DENND1A: variants seen among roughly 807,000 people sequenced by gnomAD.
The protein encoded by DENND1A is DENN domain containing 1A.
DENND1A carries 51 observed loss-of-function variants against 113.7 expected under a neutral mutation model. The ratio of observed to expected loss-of-function variants is 0.45; its 90% confidence interval spans 0.36 to 0.57. DENND1A has a LOEUF of 0.57. Ranked by LOEUF, DENND1A falls within the 20% of genes least tolerant of loss-of-function variation. The pLI is 0.00. For synonymous variants in DENND1A, 565 were observed against 570.8 expected (o/e 0.99, Z 0.14); for missense variants, 1,258 against 1,395.9 (o/e 0.90, Z 1.57).
At chr9:123,402,437 C>T (rs2043558588) in intron 21 of DENND1A, 17 of 507,290 alleles carry the variant, frequency 3.4e-5, no homozygotes, top group Middle Eastern at 3.3e-4. Context: ...TTTTTTCCTT[C>T]TTGCTCCAAC....
At chr9:123,638,885 C>T (rs2061858669) in intron 9 of DENND1A, among the ~76,000 whole-genome samples, 1 of 151,238 alleles carries the variant, frequency 6.6e-6, no homozygotes, top group Non-Finnish European at 1.5e-5. Context: ...TTATGTTTAG[C>T]TAATGGATCT....
At chr9:123,715,913 C>A (rs532512713) in intron 5 of DENND1A, among the ~76,000 whole-genome samples, 28 of 152,070 alleles carry the variant, frequency 1.8e-4, no homozygotes, top group African/African-American at 6.7e-4. Flanking sequence ...TGGCCTCAAG[C>A]GATCCCCCCA....
intron 21 of DENND1A, among the ~76,000 whole-genome samples, chr9:123,391,408 C>A (rs2042836619): frequency 6.6e-6 from 1 of 152,220 alleles, no homozygotes; most frequent in African/African-American, 2.4e-5. Context: ...CTCATGAATT[C>A]TTTACTGCAA....
intron 2 of DENND1A, among the ~76,000 whole-genome samples, chr9:123,808,138 A>G (rs1835916497): frequency 6.6e-6 from 1 of 152,084 alleles, no homozygotes; most frequent in Admixed American, 6.5e-5. Context: ...AGGCAGGAGA[A>G]TTGCTTGAAC....
intron 5 of DENND1A, among the ~76,000 whole-genome samples, chr9:123,683,298 A>G (rs1278580277): frequency 1.3e-5 from 2 of 152,224 alleles, no homozygotes; most frequent in Admixed American, 6.5e-5. Flanking sequence ...TAGTAACACA[A>G]CAGTCACATC....
chr9:123,407,109 C>T (rs1398213721), intron 20 of DENND1A, among the ~76,000 whole-genome samples: 5 of 121,054 alleles, frequency 4.1e-5, no homozygotes, highest in Non-Finnish European at 7.9e-5. Flanking sequence ...TCAGCGGGAT[C>T]GGTGGAGGAG....
intron 10 of DENND1A, among the ~76,000 whole-genome samples, chr9:123,622,930 T>C (rs2138300400): frequency 6.6e-6 from 1 of 152,276 alleles, no homozygotes; most frequent in Admixed American, 6.5e-5. Context: ...TCAGCTAAGG[T>C]AGGGAACATT....
intron 21 of DENND1A, among the ~76,000 whole-genome samples, chr9:123,396,270 G>A (rs2131162320): frequency 6.6e-6 from 1 of 152,364 alleles, no homozygotes; most frequent in African/African-American, 2.4e-5. Flanking sequence ...CATGCCCATA[G>A]CCTCCAGGCT....
At chr9:123,916,409 G>A (rs937631050) in intron 1 of DENND1A, among the ~76,000 whole-genome samples, 2 of 103,632 alleles carry the variant, frequency 1.9e-5, no homozygotes, top group African/African-American at 8.3e-5. Flanking sequence ...TTTTGCTCTT[G>A]TTGCCCAGGC....
At chr9:123,827,066 G>GA (rs1451773722) in intron 2 of DENND1A, among the ~76,000 whole-genome samples, 1 of 152,112 alleles carries the variant, frequency 6.6e-6, no homozygotes, top group Non-Finnish European at 1.5e-5. Flanking sequence ...ACAAATTCCT[G>GA]AAAAAATATT....
At chr9:123,823,160 G>A (rs1465363442) in intron 2 of DENND1A, among the ~76,000 whole-genome samples, 2 of 152,178 alleles carry the variant, frequency 1.3e-5, no homozygotes, top group East Asian at 3.9e-4. Context: ...AGAGTGTATG[G>A]AAGGAAAACA....
intron 8 of DENND1A, among the ~76,000 whole-genome samples, chr9:123,661,752 C>G (rs1410147593): frequency 6.6e-6 from 1 of 152,058 alleles, no homozygotes; most frequent in Non-Finnish European, 1.5e-5. Flanking sequence ...TTTTTAAAAT[C>G]TATAAATAAC....
At chr9:123,810,186 C>A (rs1342230743) in intron 2 of DENND1A, among the ~76,000 whole-genome samples, 1 of 152,138 alleles carries the variant, frequency 6.6e-6, no homozygotes, top group East Asian at 1.9e-4. Flanking sequence ...CTCTCCTCCT[C>A]AATTTGCATT....
intron 19 of DENND1A, among the ~76,000 whole-genome samples, chr9:123,425,075 C>T (rs866015075): frequency 3.9e-5 from 6 of 152,344 alleles, no homozygotes; most frequent in Middle Eastern, 3.4e-3. Context: ...ACTCCCTGCA[C>T]AGCCACAGAT....
chr9:123,704,379 T>C (rs916298410), intron 5 of DENND1A, among the ~76,000 whole-genome samples: 4 of 152,224 alleles, frequency 2.6e-5, no homozygotes, highest in Non-Finnish European at 4.4e-5. Context: ...GATTAAATTC[T>C]ATCAGCAGAA....
chr9:123,595,284 C>G (rs1033400021), intron 11 of DENND1A, among the ~76,000 whole-genome samples: 1 of 152,194 alleles, frequency 6.6e-6, no homozygotes, highest in Admixed American at 6.5e-5. Flanking sequence ...TCCAGGGATT[C>G]TCAAGCCAGG....
chr9:123,847,353 T>C (rs564672594), intron 2 of DENND1A, among the ~76,000 whole-genome samples: 2 of 151,010 alleles, frequency 1.3e-5, no homozygotes, highest in East Asian at 3.9e-4. Flanking sequence ...AGTCCTCAGA[T>C]TCAAAAAGCT....
chr9:123,679,086 A>G (rs1335983578), intron 5 of DENND1A, among the ~76,000 whole-genome samples: 2 of 152,206 alleles, frequency 1.3e-5, no homozygotes, highest in African/African-American at 4.8e-5. Flanking sequence ...ACTGAAAGTC[A>G]GGAGGCAGGG....
At chr9:123,683,977 C>T (rs1218120008) in intron 5 of DENND1A, among the ~76,000 whole-genome samples, 3 of 152,160 alleles carry the variant, frequency 2.0e-5, no homozygotes, top group Non-Finnish European at 4.4e-5. Flanking sequence ...TTTTAAAAAA[C>T]AATTCCTGCA....
Sources: allele counts gnomAD v4.1 joint callset (sites outside exome capture counted in the v4.1 genomes callset), GRCh38; gene constraint gnomAD v4.1.1; transcripts MANE v1.5; gene names NCBI Gene and HGNC (gene_info 2026-07-23, HGNC 2026-07-21).